The following ADARB2 variants were observed in gnomAD, a reference collection of about 807,000 sequenced individuals.
The protein encoded by ADARB2 is inactive double-stranded RNA-specific editase B2.
A neutral mutation model predicts 62.2 loss-of-function variants in ADARB2; 25 were observed. The ratio of observed to expected loss-of-function variants is 0.40; its 90% CI spans 0.29 to 0.56. ADARB2 has a LOEUF of 0.56. Ranked by LOEUF, ADARB2 falls within the 20% of genes least tolerant of loss-of-function variation. The probability of loss-of-function intolerance (pLI) is 0.43; values close to 1 mark genes in which losing one functional copy is unlikely to be tolerated. For missense variants in ADARB2, 1,071 were observed against 1,077.4 expected (o/e 0.99, Z 0.08); for synonymous variants, 572 against 500.8 (o/e 1.14, Z -1.90).
intron 1 of ADARB2, among the ~76,000 whole-genome samples, chr10:1,510,945 C>T (rs549591032): frequency 6.6e-6 from 1 of 152,224 alleles, no homozygotes; most frequent in South Asian, 2.1e-4. Context: ...CCTCAACCTT[C>T]TGGCTCGAGT....
At chr10:1,350,769 C>T (rs575881974) in intron 3 of ADARB2, among the ~76,000 whole-genome samples, 1 of 152,244 alleles carries the variant, frequency 6.6e-6, no homozygotes, top group East Asian at 1.9e-4. Context: ...CAATCCGCTC[C>T]CGACATTAAA....
At chr10:1,273,548 C>A (rs997478086) in intron 3 of ADARB2, among the ~76,000 whole-genome samples, 1 of 152,204 alleles carries the variant, frequency 6.6e-6, no homozygotes, top group Non-Finnish European at 1.5e-5. Context: ...AGAAGGCTGG[C>A]TGCCCACATC....
intron 1 of ADARB2, among the ~76,000 whole-genome samples, chr10:1,693,303 C>G (rs997448063): frequency 2.0e-5 from 3 of 152,090 alleles, no homozygotes. Context: ...CTTGTCAAGG[C>G]CGCCATGTCT....
At chr10:1,471,488 T>G (rs1588270002) in intron 1 of ADARB2, among the ~76,000 whole-genome samples, 1 of 152,178 alleles carries the variant, frequency 6.6e-6, no homozygotes, top group Non-Finnish European at 1.5e-5. Context: ...CCTCCCAGGT[T>G]CAAGCGCTTC....
intron 1 of ADARB2, among the ~76,000 whole-genome samples, chr10:1,444,304 T>TCCATCCAC (rs1830939362): frequency 1.4e-5 from 2 of 139,412 alleles, no homozygotes; most frequent in Admixed American, 7.1e-5. Flanking sequence ...CATCCATCCA[T>TCCATCCAC]CCATCCACTC....
At chr10:1,220,114 A>C (rs1315105064) in intron 6 of ADARB2, among the ~76,000 whole-genome samples, 30 of 113,976 alleles carry the variant, frequency 2.6e-4, no homozygotes, top group African/African-American at 9.8e-4. Context: ...GGTGGTGATG[A>C]TGGTGATGAT....
intron 7 of ADARB2, among the ~76,000 whole-genome samples, chr10:1,209,074 C>G (rs560343473): frequency 1.4e-4 from 21 of 152,262 alleles, no homozygotes; most frequent in African/African-American, 5.1e-4. Flanking sequence ...GCCAATACCC[C>G]CAGATCCTTC....
At chr10:1,321,189 C>T (rs1831791278) in intron 3 of ADARB2, among the ~76,000 whole-genome samples, 3 of 152,112 alleles carry the variant, frequency 2.0e-5, no homozygotes, top group African/African-American at 7.2e-5. Context: ...ACAGATCTCT[C>T]CTCCTACACA....
chr10:1,483,752 G>T (rs775381022), intron 1 of ADARB2, among the ~76,000 whole-genome samples: 4 of 67,892 alleles, frequency 5.9e-5, no homozygotes, highest in Non-Finnish European at 9.5e-5. Context: ...ACCTGCAGGA[G>T]AGACTGTAAT....
intron 1 of ADARB2, among the ~76,000 whole-genome samples, chr10:1,656,531 GGAGA>G (rs35967442): frequency 6.7e-6 from 1 of 150,186 alleles, no homozygotes; most frequent in Non-Finnish European, 1.5e-5. Context: ...AGAGAAAAAG[GGAGA>G]GAGAGAGAGA....
At chr10:1,338,913 A>T (rs1831997728) in intron 3 of ADARB2, among the ~76,000 whole-genome samples, 1 of 152,200 alleles carries the variant, frequency 6.6e-6, no homozygotes, top group African/African-American at 2.4e-5. Flanking sequence ...CATTCCCAGC[A>T]GCTCCGGACC....
rs193142872 is a variant in ADARB2, at chr10:1,494,525, T to G, written c.101-115365A>C. On this transcript the variant is annotated intron_variant, in intron 1 of 9. Transcript: ENST00000381312. ...AATCTGTGGACTACAACAGCACTCT[T>G]GGGGACAATAACCCACACAATAGAT... is the stretch of plus-strand genomic sequence containing the variant. Among the ~76,000 whole-genome samples, 980 of 152,284 alleles carry G rather than the reference T, an allele frequency of 6.4e-3. 7 individuals are homozygous for G. The highest frequency in any genetic ancestry group is 0.023 in the African/African-American group (944 of 41,552).
chr10:1,194,472 A>G (rs1215826743), intron 8 of ADARB2, among the ~76,000 whole-genome samples: 1 of 152,104 alleles, frequency 6.6e-6, no homozygotes, highest in African/African-American at 2.4e-5. Context: ...ATATCTATCA[A>G]TCTCTATCTG....
chr10:1,619,289 T>TAAAAAAAAAA (rs59098282), intron 1 of ADARB2, among the ~76,000 whole-genome samples: 28 of 115,652 alleles, frequency 2.4e-4, no homozygotes, highest in Non-Finnish European at 3.2e-4. Flanking sequence ...ACATTGAAAG[T>TAAAAAAAAAA]AAAAAAAAAA....
intron 1 of ADARB2, among the ~76,000 whole-genome samples, chr10:1,544,010 A>AC (rs1179662821): frequency 0.17 from 5,526 of 33,082 alleles, 145 homozygotes; most frequent in Non-Finnish European, 0.31. Flanking sequence ...AAAAAAAAAA[A>AC]AAACAAACAA....
At chr10:1,697,482 A>C (rs1239117837) in intron 1 of ADARB2, among the ~76,000 whole-genome samples, 1 of 152,208 alleles carries the variant, frequency 6.6e-6, no homozygotes, top group African/African-American at 2.4e-5. Flanking sequence ...GGTGAGAAGA[A>C]ACTTGGTGAG....
At chr10:1,611,087 T>C (rs1236794912) in intron 1 of ADARB2, among the ~76,000 whole-genome samples, 2 of 152,154 alleles carry the variant, frequency 1.3e-5, no homozygotes, top group African/African-American at 4.8e-5. Context: ...CAAGTAGTCC[T>C]AAACCTCCCC....
intron 2 of ADARB2, among the ~76,000 whole-genome samples, chr10:1,366,152 G>A (rs1259833374): frequency 6.6e-6 from 1 of 152,240 alleles, no homozygotes; most frequent in African/African-American, 2.4e-5. Context: ...GGAGGGAAGT[G>A]CAATGAGGGG....
intron 1 of ADARB2, among the ~76,000 whole-genome samples, chr10:1,453,221 G>A (rs768954086): frequency 3.9e-5 from 6 of 152,332 alleles, no homozygotes; most frequent in Non-Finnish European, 7.3e-5. Flanking sequence ...TAAATCATGG[G>A]CTTTTCCCTT....
Sources: gnomAD v4.1 joint callset for allele counts (sites outside exome capture counted in the v4.1 genomes callset) on GRCh38, gnomAD v4.1.1 for gene constraint, MANE v1.5 for transcripts, NCBI Gene and HGNC (gene_info 2026-07-23, HGNC 2026-07-21) for gene names.